Variants in TRIM6 observed in about 807,000 individuals in gnomAD.
TRIM6 encodes the protein tripartite motif containing 6, also known as tripartite motif-containing protein 6.
TRIM6 carries 43 observed loss-of-function variants against 51.2 expected under a neutral mutation model. The observed-to-expected ratio is 0.84, with a 90% CI of 0.66 to 1.08. The LOEUF (loss-of-function observed/expected upper bound fraction) is 1.08, where lower values mean the gene tolerates loss of function less well. Among genes scored for constraint, TRIM6 ranks in the 50% least tolerant of loss-of-function variants. The pLI, the probability that TRIM6 is intolerant of heterozygous loss-of-function variation, is 0.00. For missense variants in TRIM6, 669 were observed against 619.0 expected, an observed-to-expected ratio of 1.08 and a Z score of -0.86; for synonymous variants, 215 against 232.4, an observed-to-expected ratio of 0.93 and a Z score of 0.68.
Position 5,611,195 on chromosome 11 carries a change from G to C in TRIM6, c.1404G>C (p.Glu468Asp), listed in dbSNP as rs1848558165. 1 of 1,613,952 alleles carries C rather than the reference G, an allele frequency of 6.2e-7. No homozygotes were observed. The highest frequency in any genetic ancestry group is 1.1e-5 in the South Asian group (1 of 91,082). Residue 468 changes from glutamate (E) to aspartate (D), a missense_variant, in exon 8 of 8, where the codon GAG (glutamate) becomes GAC (aspartate). Transcript: ENST00000380097. ...GTGTTGGGGTTTTCTTAGATTATGA[G>C]GCTGGTACTGTCTCCTTTTATAATG... ...PRRVGVFLDYEAGTVSFYNVT... is the reference protein window; with the variant it reads ...PRRVGVFLDYDAGTVSFYNVT...
intron 1 of TRIM6, among the ~76,000 whole-genome samples, chr11:5,600,513 G>T (rs1455977763): frequency 6.6e-6 from 1 of 152,120 alleles, no homozygotes; most frequent in Non-Finnish European, 1.5e-5. Flanking sequence ...CCGCTAGGAG[G>T]CTTATGCTTA....
At position 5,610,764 on chromosome 11, in the gene TRIM6, C is replaced by A; in HGVS notation, c.986-13C>A. On this transcript the variant is annotated splice_polypyrimidine_tract_variant and intron_variant, in intron 7 of 7. Coordinates refer to ENST00000380097, the MANE Select transcript of TRIM6 (RefSeq NM_001003818.3). ...CCCGTTCTCATCTGCTGATGTTGTA[C>A]CTTTTCCTACAGTTGACGTGACCCT... The A allele has an allele frequency of 6.2e-7, 1 of 1,612,958 alleles. No individual in the cohort carries two copies. The highest frequency in any genetic ancestry group is 1.1e-5 in the South Asian group (1 of 90,932).
rs544649148 is a variant in TRIM6 at position 5,607,158 on chromosome 11, C to T, written c.835-1214C>T. On this transcript the variant is annotated intron_variant, in intron 4 of 7. Transcript: ENST00000380097. ...GGCGGAGCGTGCAGTGAGCCGAGAT[C>T]GCACCACTGCACTCCAGCCTGGGCG... Among the ~76,000 whole-genome samples the T allele has an allele frequency of 2.6e-3, 395 of 152,058 alleles. 3 individuals carry two copies. The highest frequency in any genetic ancestry group is 0.013 in the South Asian group (63 of 4,808).
chr11:5,612,541 T>C lies in TRIM6; in HGVS notation c.*1199T>C, dbSNP rs948380697. 1 of 152,204 alleles carries C rather than the reference T, an allele frequency of 6.6e-6. No homozygotes were observed. Among genetic ancestry groups the C allele is most frequent in the Non-Finnish European group, 1.5e-5 (1 of 68,042 alleles). The allele number at this position is 152,204 out of a possible 1,614,324, so 9.4% of individuals were successfully genotyped here. A position where few individuals can be genotyped will look rare whatever the true frequency, so the allele number is the denominator to read the frequency against. On this transcript the variant is annotated 3_prime_UTR_variant, in exon 8 of 8. Coordinates refer to ENST00000380097, the MANE Select transcript of TRIM6 (RefSeq NM_001003818.3). ...ACACAAAGAGAAAATATGAACAATA[T>C]AAAGCACTTAAAGGAAGAGGATGAT...
At chr11:5,600,354 A>G (rs540194369) in intron 1 of TRIM6, among the ~76,000 whole-genome samples, 2 of 152,340 alleles carry the variant, frequency 1.3e-5, no homozygotes, top group Non-Finnish European at 2.9e-5. Context: ...TGAATACCTA[A>G]TGGGCTTTCT....
intron 6 of TRIM6, 26 bp from the exon 7 acceptor site, chr11:5,610,509 A>G (rs1477272030): frequency 2.5e-6 from 4 of 1,614,014 alleles, no homozygotes; most frequent in East Asian, 2.2e-5. Context: ...CCTATTCAAC[A>G]TTATTGACTC....
intron 1 of TRIM6, among the ~76,000 whole-genome samples, chr11:5,600,199 G>A (rs1280240628): frequency 2.0e-5 from 3 of 152,082 alleles, no homozygotes; most frequent in Non-Finnish European, 4.4e-5. Flanking sequence ...TGCAGCCTGC[G>A]TATCTGCATT....
At chr11:5,605,299 A>G in intron 3 of TRIM6, 38 bp from the exon 4 acceptor site, 1 of 1,612,822 alleles carries the variant, frequency 6.2e-7, no homozygotes, top group South Asian at 1.1e-5. Flanking sequence ...CCTCAGTGTG[A>G]CCGACTAGCA....
chr11:5,608,484 G>C, intron 5 of TRIM6, 90 bp downstream of exon 5: 1 of 1,579,656 alleles, frequency 6.3e-7, no homozygotes, highest in Non-Finnish European at 8.6e-7. Context: ...AAGAATCAGA[G>C]TGGGGAAGAT....
intron 1 of TRIM6, among the ~76,000 whole-genome samples, chr11:5,599,383 ATATT>A (rs60859015): frequency 0.31 from 45,449 of 146,768 alleles, 7,291 homozygotes; most frequent in South Asian, 0.37. Flanking sequence ...TACAATTATT[ATATT>A]TATTTATTTA....
chr11:5,609,244 C>T (rs528144076), intron 5 of TRIM6, among the ~76,000 whole-genome samples: 1 of 152,230 alleles, frequency 6.6e-6, no homozygotes, highest in African/African-American at 2.4e-5. Flanking sequence ...ACCCTATCGT[C>T]CCTTCTGAAA....
At chr11:5,608,012 C>T (rs990711489) in intron 4 of TRIM6, among the ~76,000 whole-genome samples, 1 of 152,160 alleles carries the variant, frequency 6.6e-6, no homozygotes, top group Non-Finnish European at 1.5e-5. Context: ...TCTTCAGCAA[C>T]CAGAACAGGA....
intron 1 of TRIM6, among the ~76,000 whole-genome samples, chr11:5,600,071 C>T (rs768794836): frequency 1.7e-4 from 26 of 152,140 alleles, no homozygotes; most frequent in Admixed American, 6.5e-4. Context: ...TAGGTAAATA[C>T]GTCTGTAACA....
Position 5,610,765 on chromosome 11 carries a change from CT to C in TRIM6, c.986-8del. 1 of 1,613,020 alleles carries C rather than the reference CT, an allele frequency of 6.2e-7. No individual in the cohort carries two copies. The highest frequency in any genetic ancestry group is 8.5e-7 in the Non-Finnish European group (1 of 1,179,394). On this transcript the variant is annotated splice_polypyrimidine_tract_variant and intron_variant, in intron 7 of 7. Coordinates refer to ENST00000380097, the MANE Select transcript of TRIM6 (RefSeq NM_001003818.3). ...CCGTTCTCATCTGCTGATGTTGTAC[CT>C]TTTCCTACAGTTGACGTGACCCTGA...
At position 5,601,074 on chromosome 11, in the gene TRIM6, CCACCT is replaced by C. The variant is rs574326108; in HGVS notation, c.18-2170_18-2166del. On this transcript the variant is annotated intron_variant, in intron 1 of 7. Transcript: ENST00000380097. ...TATAAGGTCTCAACTGCCTTACCGG[CCACCT>C]CTCCTTACATATGGACCCCCTTAGG... Among the ~76,000 whole-genome samples, 311 of 152,334 alleles carry C rather than the reference CCACCT, an allele frequency of 2.0e-3. 2 individuals are homozygous for C. The highest frequency in any genetic ancestry group is 7.0e-3 in the African/African-American group (290 of 41,564).
intron 1 of TRIM6, among the ~76,000 whole-genome samples, chr11:5,599,139 A>T (rs1252997260): frequency 6.6e-6 from 1 of 152,110 alleles, no homozygotes; most frequent in African/African-American, 2.4e-5. Context: ...TAACAGTTTA[A>T]TTGTTTGGTA....
intron 6 of TRIM6, 108 bp downstream of exon 6, chr11:5,610,353 G>A: frequency 6.4e-7 from 1 of 1,573,064 alleles, no homozygotes; most frequent in Non-Finnish European, 8.7e-7. Flanking sequence ...AAAGAGGGAG[G>A]TCCCAGAGGG....
intron 5 of TRIM6, among the ~76,000 whole-genome samples, chr11:5,608,930 A>G (rs1390266233): frequency 2.3e-5 from 3 of 131,284 alleles, no homozygotes; most frequent in African/African-American, 9.0e-5. Context: ...GGCTCACTGC[A>G]CCTTCCTGCC....
intron 1 of TRIM6, among the ~76,000 whole-genome samples, chr11:5,602,383 C>G (rs1847921931): frequency 6.6e-6 from 1 of 151,746 alleles, no homozygotes; most frequent in African/African-American, 2.4e-5. Context: ...GCGGAGCTTG[C>G]AGTGAGTCGA....
Sources: gnomAD v4.1 joint callset for allele counts (sites outside exome capture counted in the v4.1 genomes callset) on GRCh38, gnomAD v4.1.1 for gene constraint, MANE v1.5 for transcripts, NCBI Gene and HGNC (gene_info 2026-07-23, HGNC 2026-07-21) for gene names.